SLC24A5: variants seen among roughly 807,000 people sequenced by gnomAD.
SLC24A5 encodes the protein sodium/potassium/calcium exchanger 5.
In SLC24A5, 46 loss-of-function variants were observed where a neutral mutation model predicts 51.6. The ratio of observed to expected loss-of-function variants is 0.89; its 90% CI spans 0.70 to 1.14. The LOEUF (loss-of-function observed/expected upper bound fraction) is 1.14, where lower values mean the gene tolerates loss of function less well. Ranked by LOEUF, SLC24A5 falls within the 50% of genes most tolerant of loss-of-function variation. The pLI, the probability that SLC24A5 is intolerant of heterozygous loss-of-function variation, is 0.00. For synonymous variants in SLC24A5, 230 were observed against 214.9 expected (o/e 1.07, Z -0.62); for missense variants, 581 against 604.1 (o/e 0.96, Z 0.40).
At chr15:48,137,041 A>AG (rs2038918995) in intron 6 of SLC24A5, 78 bp downstream of exon 6, 5 of 1,437,604 alleles carry the variant, frequency 3.5e-6, no homozygotes, top group Non-Finnish European at 4.7e-6. Context: ...TTCAGCAAGT[A>AG]TTGTGTGCTT....
chr15:48,129,279 C>T (rs766519972), intron 2 of SLC24A5, among the ~76,000 whole-genome samples: 4 of 152,050 alleles, frequency 2.6e-5, no homozygotes, highest in Non-Finnish European at 5.9e-5. Context: ...GTCATGTATT[C>T]CTGACTCTCA....
chr15:48,137,747 C>A (rs916240176), intron 6 of SLC24A5: 27 of 151,956 alleles, frequency 1.8e-4, no homozygotes, highest in African/African-American at 6.5e-4. Flanking sequence ...AAAATGGGAA[C>A]AGCACTTATT....
intron 2 of SLC24A5, among the ~76,000 whole-genome samples, chr15:48,130,551 G>C (rs1488785829): frequency 6.6e-6 from 1 of 152,120 alleles, no homozygotes; most frequent in Non-Finnish European, 1.5e-5. Context: ...GCATTCTTCA[G>C]CTAGTGCTAA....
chr15:48,138,284 G>C (rs376694737), intron 6 of SLC24A5: 1 of 151,560 alleles, frequency 6.6e-6, no homozygotes, highest in Non-Finnish European at 1.5e-5. Flanking sequence ...TTTTGAATTC[G>C]AATTTTTATC....
chr15:48,131,881 G>A (rs2038793370), intron 2 of SLC24A5, among the ~76,000 whole-genome samples: 1 of 152,064 alleles, frequency 6.6e-6, no homozygotes, highest in South Asian at 2.1e-4. Context: ...TTTTCACAAT[G>A]GTTTTTCAGG....
chr15:48,139,055 C>G lies in SLC24A5; in HGVS notation c.958C>G (p.Leu320Val). 6.2e-7 allele frequency: 1 copy of G among 1,613,030 alleles called. No homozygotes were observed. The highest frequency in any genetic ancestry group is 8.5e-7 in the Non-Finnish European group (1 of 1,179,264). ...LSLPIITLLFLTTPDCRKKFW... is the reference protein window; with the variant it reads ...LSLPIITLLFVTTPDCRKKFW... ...CCTTCCTATTATTACATTACTTTTT[C>G]TAACCACACCAGATTGTAGAAAAAA... The change falls in exon 7 of 9, where the codon CTA becomes GTA. Residue 320 changes from leucine (L) to valine (V), a missense_variant. Physicochemically the swap from Leu to Val is conservative, Grantham distance 32 (BLOSUM62 1). Transcript: ENST00000341459.
intron 2 of SLC24A5, among the ~76,000 whole-genome samples, chr15:48,129,568 A>G (rs1480163850): frequency 6.6e-6 from 1 of 152,098 alleles, no homozygotes; most frequent in Non-Finnish European, 1.5e-5. Flanking sequence ...GCCAAATTGC[A>G]TATAGCCTAT....
intron 5 of SLC24A5, 197 bp from the exon 6 acceptor site, chr15:48,136,486 T>G (rs1597262272): frequency 2.3e-6 from 1 of 426,554 alleles, no homozygotes. Context: ...AACACAGAAG[T>G]GTCCAGCTTT....
chr15:48,123,190 CTAAT>C (rs1019880013), intron 2 of SLC24A5: 35 of 151,400 alleles, frequency 2.3e-4, no homozygotes, highest in African/African-American at 8.0e-4. Context: ...ATAGATTAGC[CTAAT>C]TTATTACAAT....
At chr15:48,125,559 C>A (rs2038722678) in intron 2 of SLC24A5, among the ~76,000 whole-genome samples, 1 of 152,074 alleles carries the variant, frequency 6.6e-6, no homozygotes, top group African/African-American at 2.4e-5. Flanking sequence ...AACCATCTTA[C>A]AAGAAATTTT....
intron 2 of SLC24A5, among the ~76,000 whole-genome samples, chr15:48,130,155 C>G (rs899949827): frequency 6.6e-6 from 1 of 152,010 alleles, no homozygotes; most frequent in African/African-American, 2.4e-5. Context: ...TTGAACATTT[C>G]TACTATATCT....
chr15:48,133,262 C>A (rs747965499), intron 2 of SLC24A5, among the ~76,000 whole-genome samples: 1 of 152,126 alleles, frequency 6.6e-6, no homozygotes, highest in Non-Finnish European at 1.5e-5. Context: ...AACTTTGTGA[C>A]CTAGGGTAGA....
chr15:48,135,253 T>C, intron 5 of SLC24A5: 1 of 278,620 alleles, frequency 3.6e-6, no homozygotes, highest in East Asian at 6.8e-5. Flanking sequence ...TGGCTGCCTA[T>C]TCAGAAAGTT....
At chr15:48,135,177 A>G (rs2140732085) in intron 5 of SLC24A5, 193 bp downstream of exon 5, 1 of 468,800 alleles carries the variant, frequency 2.1e-6, no homozygotes, top group Admixed American at 3.4e-5. Context: ...TTTCTTCTTA[A>G]TCACTTCACA....
intron 2 of SLC24A5, among the ~76,000 whole-genome samples, chr15:48,130,831 A>G (rs1886135555): frequency 6.6e-6 from 1 of 152,162 alleles, no homozygotes; most frequent in African/African-American, 2.4e-5. Context: ...CACAAAGTGT[A>G]AACAAAAAAG....
chr15:48,137,536 C>T (rs556913093), intron 6 of SLC24A5: 3 of 151,942 alleles, frequency 2.0e-5, no homozygotes, highest in East Asian at 3.9e-4. Flanking sequence ...TGATGTTCAC[C>T]GAACTAAAAT....
intron 6 of SLC24A5, chr15:48,138,763 G>A (rs758250199): frequency 5.4e-5 from 28 of 515,804 alleles, no homozygotes; most frequent in African/African-American, 1.5e-4. Flanking sequence ...AAAGAAATGC[G>A]GAGTATCACA....
intron 5 of SLC24A5, 48 bp downstream of exon 5, chr15:48,135,032 TTC>T: frequency 1.4e-6 from 2 of 1,426,154 alleles, no homozygotes; most frequent in Non-Finnish European, 2.0e-6. Context: ...TTTTATGAAT[TTC>T]TGATGGTTCA....
In SLC24A5 at chr15:48,139,001, G is replaced by T; in HGVS notation, c.904G>T (p.Asp302Tyr). The T allele has an allele frequency of 6.2e-7, 1 of 1,612,838 alleles. No individual in the cohort carries two copies. Among genetic ancestry groups the T allele is most frequent in the South Asian group, 1.1e-5 (1 of 90,964 alleles). ...PPSVFNMPEADLKRIFWVLSL... is the reference protein window; with the variant it reads ...PPSVFNMPEAYLKRIFWVLSL... ...AAGTGTTTTCAACATGCCTGAAGCAGACTTAAAAAGAATTTTTTGGGTATT... is the reference window on the plus strand; with the variant it reads ...AAGTGTTTTCAACATGCCTGAAGCATACTTAAAAAGAATTTTTTGGGTATT... The change falls in exon 7 of 9, where the codon GAC (aspartate) becomes TAC (tyrosine). Residue 302 changes from aspartate (D) to tyrosine (Y), a missense_variant. By Grantham distance (160) the Asp-to-Tyr change is radical. Transcript: ENST00000341459.
Sources: allele counts gnomAD v4.1 joint callset (sites outside exome capture counted in the v4.1 genomes callset), GRCh38; gene constraint gnomAD v4.1.1; transcripts MANE v1.5; gene names NCBI Gene and HGNC (gene_info 2026-07-23, HGNC 2026-07-21).